The following MALRD1 variants were observed in gnomAD, a reference collection of about 807,000 sequenced individuals.
MALRD1 encodes MAM and LDL-receptor class A domain-containing protein 1.
In MALRD1, 247 loss-of-function variants were observed where a neutral mutation model predicts 242.1. That is an observed-to-expected ratio of 1.02 (90% CI 0.92 to 1.13). The LOEUF is 1.13. Ranked by LOEUF, MALRD1 falls within the 50% of genes most tolerant of loss-of-function variation. The pLI is 0.00. For missense variants in MALRD1, 2,989 were observed against 2,533.1 expected (o/e 1.18, Z -3.86); for synonymous variants, 995 against 866.6 (o/e 1.15, Z -2.60).
At chr10:19,295,954 C>T (rs1024464259) in intron 21 of MALRD1, among the ~76,000 whole-genome samples, 1 of 152,102 alleles carries the variant, frequency 6.6e-6, no homozygotes, top group African/African-American at 2.4e-5. Flanking sequence ...ACTTTGAGGA[C>T]CACTTAGTCA....
intron 2 of MALRD1, among the ~76,000 whole-genome samples, chr10:19,080,447 A>G (rs772052706): frequency 2.6e-5 from 4 of 151,856 alleles, no homozygotes; most frequent in Non-Finnish European, 4.4e-5. Context: ...ATAATAGAGA[A>G]CTCAGAATTA....
intron 28 of MALRD1, among the ~76,000 whole-genome samples, chr10:19,449,261 C>G (rs1366911955): frequency 6.6e-6 from 1 of 152,190 alleles, no homozygotes; most frequent in East Asian, 1.9e-4. Context: ...ACTGCAACGC[C>G]TGCCTCCTGG....
intron 28 of MALRD1, among the ~76,000 whole-genome samples, chr10:19,396,246 C>T (rs1216875948): frequency 2.0e-5 from 3 of 150,794 alleles, no homozygotes; most frequent in South Asian, 2.1e-4. Flanking sequence ...AAGCGATTCT[C>T]CTGCCTCAGC....
In MALRD1 at chr10:19,655,140, A is replaced by C. The variant is rs59575762; in HGVS notation, c.6138-37142A>C. 3.5e-3 allele frequency among the ~76,000 whole-genome samples: 537 copies of C among 152,280 alleles called. 4 individuals carry two copies. The highest frequency in any genetic ancestry group is 0.013 in the African/African-American group (523 of 41,570). On this transcript the variant is annotated intron_variant, in intron 36 of 39. Transcript: ENST00000454679. ...GCAAAGGTTATAGAAACTGCATTTGAGATCAAAAAGAAACATGCATATGTT... is the reference window on the plus strand; with the variant it reads ...GCAAAGGTTATAGAAACTGCATTTGCGATCAAAAAGAAACATGCATATGTT...
At chr10:19,350,216 C>T (rs6481879) in intron 25 of MALRD1, among the ~76,000 whole-genome samples, 3 of 150,240 alleles carry the variant, frequency 2.0e-5, no homozygotes, top group African/African-American at 4.9e-5. Context: ...TAGGAAGGAT[C>T]CATGTAGAGG....
chr10:19,293,800 G>A (rs1184335007), intron 21 of MALRD1, among the ~76,000 whole-genome samples: 1 of 151,992 alleles, frequency 6.6e-6, no homozygotes, highest in Non-Finnish European at 1.5e-5. Context: ...AAATAACTTG[G>A]GTACCAGCGT....
chr10:19,072,693 T>C (rs747413041), intron 2 of MALRD1, among the ~76,000 whole-genome samples: 5 of 152,144 alleles, frequency 3.3e-5, no homozygotes, highest in Non-Finnish European at 7.4e-5. Context: ...TTCACATTTA[T>C]AGCAAACAAA....
chr10:19,692,298 A>G lies in MALRD1; in HGVS notation c.6154A>G (p.Lys2052Glu). Residue 2052 changes from lysine (K) to glutamate (E), a missense_variant, in exon 37 of 40, where the codon AAA becomes GAA. Physicochemically the swap from Lys to Glu is moderately conservative, Grantham distance 56. Coordinates refer to ENST00000454679, the MANE Select transcript of MALRD1 (RefSeq NM_001142308.3). ...GPMCRCRQGWKGNRCHIKFNP... is the reference protein window; with the variant it reads ...GPMCRCRQGWEGNRCHIKFNP... ...CCTTTCCAGATGTAGACAAGGCTGG[A>G]AAGGAAATCGATGCCATATCAAGTT... is the stretch of plus-strand genomic sequence containing the variant. 1.3e-6 allele frequency: 2 copies of G among 1,535,056 alleles called. No individual in the cohort carries two copies. The highest frequency in any genetic ancestry group is 1.7e-6 in the Non-Finnish European group (2 of 1,146,296).
intron 32 of MALRD1, among the ~76,000 whole-genome samples, chr10:19,557,835 T>G (rs1335693751): frequency 6.6e-6 from 1 of 152,124 alleles, no homozygotes; most frequent in African/African-American, 2.4e-5. Flanking sequence ...TGACTATGAT[T>G]GATTGAATCT....
At chr10:19,719,093 G>A (rs750502084) in intron 38 of MALRD1, among the ~76,000 whole-genome samples, 2 of 148,902 alleles carry the variant, frequency 1.3e-5, no homozygotes, top group Non-Finnish European at 3.0e-5. Flanking sequence ...AGTCCAGGAG[G>A]TCAAACTATG....
chr10:19,253,490 A>C (rs1839382877), intron 18 of MALRD1, among the ~76,000 whole-genome samples: 1 of 151,960 alleles, frequency 6.6e-6, no homozygotes, highest in African/African-American at 2.4e-5. Context: ...TTTGGGATTC[A>C]GAGGATCAGC....
intron 18 of MALRD1, among the ~76,000 whole-genome samples, chr10:19,228,140 T>C (rs560288420): frequency 9.0e-4 from 137 of 152,194 alleles, no homozygotes; most frequent in Admixed American, 1.6e-3. Context: ...CCAAGCCTCA[T>C]CCTTGAAGTT....
intron 18 of MALRD1, among the ~76,000 whole-genome samples, chr10:19,236,096 A>G (rs548545078): frequency 9.8e-5 from 15 of 152,324 alleles, no homozygotes; most frequent in Admixed American, 7.8e-4. Flanking sequence ...CGAGGAGTTC[A>G]TATGCATCTG....
intron 31 of MALRD1, among the ~76,000 whole-genome samples, chr10:19,508,787 G>T (rs935245884): frequency 6.6e-6 from 1 of 152,084 alleles, no homozygotes; most frequent in African/African-American, 2.4e-5. Flanking sequence ...TGTGGCTCAC[G>T]TTATGTTTTA....
At chr10:19,273,102 G>T (rs951669841) in intron 19 of MALRD1, among the ~76,000 whole-genome samples, 1 of 152,080 alleles carries the variant, frequency 6.6e-6, no homozygotes, top group Admixed American at 6.6e-5. Flanking sequence ...TTGAGGAATT[G>T]CCACACTGTC....
chr10:19,572,222 G>A (rs1836587601), intron 33 of MALRD1, among the ~76,000 whole-genome samples: 1 of 152,206 alleles, frequency 6.6e-6, no homozygotes, highest in African/African-American at 2.4e-5. Flanking sequence ...AGCGTCTCCA[G>A]AAATTCTGAG....
chr10:19,347,918 C>G lies in MALRD1; in HGVS notation c.4049C>G (p.Ser1350Cys), dbSNP rs996071740. The G allele has an allele frequency of 3.9e-6, 6 of 1,550,184 alleles. No homozygotes were observed. In the African/African-American group the frequency reaches 8.2e-5, roughly 21 times the overall value. ...PAADHTLGNS[S>C]GHYIFIKSLF... The stretch of plus-strand genomic sequence containing the variant: ...GCAGATCACACTTTGGGAAATTCAT[C>G]TGGTCATTACATCTTTATAAAGAGT... Residue 1350 changes from serine (S) to cysteine (C), a missense_variant, in exon 25 of 40, where the codon TCT becomes TGT. Physicochemically the swap from Ser to Cys is moderately radical, Grantham distance 112. Transcript: ENST00000454679.
chr10:19,463,721 G>T (rs546523630), intron 29 of MALRD1, among the ~76,000 whole-genome samples: 47 of 151,978 alleles, frequency 3.1e-4, no homozygotes, highest in African/African-American at 1.1e-3. Context: ...TTTTCCTCTG[G>T]GTAGATACCC....
At chr10:19,385,805 C>G (rs949638534) in intron 26 of MALRD1, among the ~76,000 whole-genome samples, 1 of 151,920 alleles carries the variant, frequency 6.6e-6, no homozygotes, top group Admixed American at 6.6e-5. Context: ...AGTTTTCTGT[C>G]AAATAAAGTT....
Sources: gnomAD v4.1 joint callset for allele counts (sites outside exome capture counted in the v4.1 genomes callset) on GRCh38, gnomAD v4.1.1 for gene constraint, MANE v1.5 for transcripts, NCBI Gene and HGNC (gene_info 2026-07-23, HGNC 2026-07-21) for gene names.